The following BDP1 variants were observed in gnomAD, a reference collection of about 807,000 sequenced individuals.
BDP1 encodes the protein transcription factor TFIIIB component B'' homolog.
Under a neutral mutation model 266.6 loss-of-function variants are expected in BDP1, and 169 were observed. The ratio of observed to expected loss-of-function variants is 0.63; its 90% confidence interval spans 0.56 to 0.72. BDP1 has a LOEUF of 0.72. Among genes scored for constraint, BDP1 ranks in the 30% least tolerant of loss-of-function variants. The pLI, the probability that BDP1 is intolerant of heterozygous loss-of-function variation, is 0.00. For synonymous variants in BDP1, 1,090 were observed against 1,022.4 expected (o/e 1.07, Z -1.26); for missense variants, 3,015 against 3,053.8 (o/e 0.99, Z 0.30).
At chr5:71,517,270 G>C (rs1253858999) in intron 21 of BDP1, 52 bp from the exon 22 acceptor site, 1 of 1,339,632 alleles carries the variant, frequency 7.5e-7, no homozygotes, top group Non-Finnish European at 1.0e-6. Flanking sequence ...AATATTTTAA[G>C]AGGTATATTC....
At chr5:71,561,030 T>C (rs1007725088) in intron 37 of BDP1, among the ~76,000 whole-genome samples, 3 of 151,726 alleles carry the variant, frequency 2.0e-5, no homozygotes. Flanking sequence ...AGTTTGAGAT[T>C]GCAGTGAGCT....
chr5:71,534,865 T>A (rs550524614), intron 26 of BDP1, among the ~76,000 whole-genome samples: 1 of 152,182 alleles, frequency 6.6e-6, no homozygotes, highest in East Asian at 1.9e-4. Context: ...GGTCTCGAAC[T>A]CCTGATCTCA....
intron 32 of BDP1, among the ~76,000 whole-genome samples, chr5:71,546,971 A>C (rs1327787935): frequency 1.3e-5 from 2 of 151,872 alleles, no homozygotes; most frequent in African/African-American, 2.4e-5. Flanking sequence ...TCAGCCTCCC[A>C]AGTAGCTGGG....
chr5:71,461,378 G>A (rs1761550120), intron 2 of BDP1, among the ~76,000 whole-genome samples: 1 of 151,788 alleles, frequency 6.6e-6, no homozygotes, highest in South Asian at 2.1e-4. Flanking sequence ...TGTGAGGCAG[G>A]AGGATCACTT....
chr5:71,562,226 A>AAATT, intron 37 of BDP1, 48 bp from the exon 38 acceptor site: 1 of 981,794 alleles, frequency 1.0e-6, no homozygotes, highest in Non-Finnish European at 1.5e-6. Flanking sequence ...AAAAAAAAGA[A>AAATT]TGTGTCTTCC....
intron 36 of BDP1, among the ~76,000 whole-genome samples, chr5:71,559,235 A>AT (rs1320298427): frequency 2.0e-5 from 3 of 152,222 alleles, no homozygotes; most frequent in Non-Finnish European, 4.4e-5. Context: ...TGAAACTGTA[A>AT]TATGGTTACA....
intron 5 of BDP1, 29 bp downstream of exon 5, chr5:71,466,250 G>T (rs1441742227): frequency 1.9e-6 from 3 of 1,612,956 alleles, no homozygotes; most frequent in Non-Finnish European, 2.5e-6. Flanking sequence ...AAGTGAGATT[G>T]TGGTTACATG....
intron 10 of BDP1, among the ~76,000 whole-genome samples, chr5:71,490,326 G>A (rs562527195): frequency 3.1e-4 from 47 of 152,240 alleles, no homozygotes; most frequent in Admixed American, 1.2e-3. Context: ...AAGAGTACTG[G>A]TAGCTAACAT....
At chr5:71,509,332 C>T (rs1029456574) in intron 16 of BDP1, 133 bp from the exon 17 acceptor site, 22 of 948,954 alleles carry the variant, frequency 2.3e-5, no homozygotes, top group East Asian at 1.9e-4. Context: ...TTTTACCCAG[C>T]GATTCCTAGG....
At chr5:71,492,329 A>T (rs1233375706) in intron 11 of BDP1, among the ~76,000 whole-genome samples, 1 of 152,290 alleles carries the variant, frequency 6.6e-6, no homozygotes, top group East Asian at 1.9e-4. Flanking sequence ...TGTTTCCAAT[A>T]GCGGGTACAC....
the BDP1 span, among the ~76,000 whole-genome samples, chr5:71,577,398 G>A: frequency 6.6e-6 from 1 of 152,170 alleles, no homozygotes; most frequent in African/African-American, 2.4e-5. Flanking sequence ...AACCAAGGGT[G>A]GCTACTTGAG....
chr5:71,468,960 A>G (rs924925354), intron 6 of BDP1, among the ~76,000 whole-genome samples: 1 of 152,174 alleles, frequency 6.6e-6, no homozygotes, highest in African/African-American at 2.4e-5. Flanking sequence ...AATATTGTAT[A>G]ATAAAGCTTC....
At chr5:71,514,464 AC>A (rs1157272200) in intron 19 of BDP1, among the ~76,000 whole-genome samples, 2 of 152,114 alleles carry the variant, frequency 1.3e-5, no homozygotes, top group Non-Finnish European at 2.9e-5. Context: ...ATCCACTTAC[AC>A]TTTTTCGTCT....
chr5:71,457,598 C>T (rs1761279891), intron 1 of BDP1, among the ~76,000 whole-genome samples: 2 of 152,070 alleles, frequency 1.3e-5, no homozygotes, highest in Non-Finnish European at 2.9e-5. Flanking sequence ...CAGGTGTGAG[C>T]CACCGTGCCC....
rs546907647 is a variant in BDP1 at position 71,516,150 on chromosome 5, G to A, written c.4739G>A (p.Arg1580Lys). The change falls in exon 21 of 39, where the codon AGA becomes AAA. Residue 1580 changes from arginine (R) to lysine (K), a missense_variant. Arg to Lys is a conservative substitution (Grantham distance 26). Around this residue, in one of 3 missense-constraint regions of BDP1, gnomAD observed 2,383 missense variants for 2,404.9 expected, o/e 0.99. Transcript: ENST00000358731. ...RQVRGRLQRP[R>K]PNIRKTGQRQ... ...GTAAGGGGCCGACTTCAGAGACCGA[G>A]ACCAAATATAAGAAAGACAGGACAG... The A allele has an allele frequency of 3.7e-6, 6 of 1,613,336 alleles. No individual in the cohort carries two copies. Among genetic ancestry groups the A allele is most frequent in the African/African-American group, 2.7e-5 (2 of 74,952 alleles).
intron 16 of BDP1, among the ~76,000 whole-genome samples, chr5:71,508,091 T>C (rs1231402026): frequency 1.3e-5 from 2 of 151,370 alleles, no homozygotes; most frequent in South Asian, 2.1e-4. Context: ...TAGCCTCCCA[T>C]GTAGCTGAGA....
chr5:71,495,670 C>T (rs1347456932), intron 12 of BDP1, among the ~76,000 whole-genome samples: 11 of 151,992 alleles, frequency 7.2e-5, no homozygotes, highest in Non-Finnish European at 1.6e-4. Context: ...TGGTAACTTA[C>T]GAAATTCTAA....
At chr5:71,505,207 A>G (rs1580093627) in intron 16 of BDP1, among the ~76,000 whole-genome samples, 1 of 152,140 alleles carries the variant, frequency 6.6e-6, no homozygotes, top group South Asian at 2.1e-4. Flanking sequence ...GGGTTTTACC[A>G]TGTTGGCCAG....
intron 25 of BDP1, among the ~76,000 whole-genome samples, chr5:71,525,631 C>G (rs1232731476): frequency 8.5e-6 from 1 of 117,690 alleles, no homozygotes. Context: ...GCTGGCCGGG[C>G]GGGGGGCTGA....
Sources: allele counts gnomAD v4.1 joint callset (sites outside exome capture counted in the v4.1 genomes callset), GRCh38; gene constraint gnomAD v4.1.1; regional missense constraint gnomAD v4.1.1; transcripts MANE v1.5; gene names NCBI Gene and HGNC (gene_info 2026-07-23, HGNC 2026-07-21).